OSBP2: variants seen among roughly 807,000 people sequenced by gnomAD.
The protein encoded by OSBP2 is oxysterol binding protein 2, also known as oxysterol-binding protein 2.
A neutral mutation model predicts 96.0 loss-of-function variants in OSBP2; 66 were observed. The ratio of observed to expected loss-of-function variants is 0.69; its 90% confidence interval spans 0.56 to 0.84. The LOEUF is 0.84. Among genes scored for constraint, OSBP2 ranks in the 40% least tolerant of loss-of-function variants. OSBP2 has a pLI of 0.00. For synonymous variants in OSBP2, 525 were observed against 520.9 expected, an observed-to-expected ratio of 1.01 and a Z score of -0.11; for missense variants, 1,038 against 1,222.7, an observed-to-expected ratio of 0.85 and a Z score of 2.25.
At chr22:30,906,094 C>T (rs373976519) in intron 13 of OSBP2, 25 bp downstream of exon 13, 35 of 1,589,876 alleles carry the variant, frequency 2.2e-5, no homozygotes, top group Non-Finnish European at 6.0e-6. Flanking sequence ...GAAGGGCGCC[C>T]CGGAGGGGAG....
chr22:30,822,434 C>A, intron 2 of OSBP2: 1 of 1,075,956 alleles, frequency 9.3e-7, no homozygotes, highest in Non-Finnish European at 1.2e-6. Flanking sequence ...TCGGCTCCCG[C>A]GGCGCGGACG....
intron 3 of OSBP2, among the ~76,000 whole-genome samples, chr22:30,873,958 T>G (rs2147116952): frequency 6.6e-6 from 1 of 152,204 alleles, no homozygotes; most frequent in East Asian, 1.9e-4. Flanking sequence ...TCAGGGTGGT[T>G]GGGTGTGGTG....
chr22:30,841,138 C>T (rs917151762), intron 2 of OSBP2, among the ~76,000 whole-genome samples: 10 of 151,924 alleles, frequency 6.6e-5, no homozygotes, highest in African/African-American at 2.2e-4. Flanking sequence ...GTACTCCAGC[C>T]TGGGTGACAG....
intron 2 of OSBP2, among the ~76,000 whole-genome samples, chr22:30,799,648 G>A (rs1306481389): frequency 6.6e-6 from 1 of 152,262 alleles, no homozygotes; most frequent in Non-Finnish European, 1.5e-5. Context: ...GCTCCTAGAA[G>A]AGTGTTATCT....
At chr22:30,827,082 G>A (rs1056765826) in intron 2 of OSBP2, among the ~76,000 whole-genome samples, 9 of 152,168 alleles carry the variant, frequency 5.9e-5, no homozygotes, top group Non-Finnish European at 1.3e-4. Flanking sequence ...ATTGGAGGAT[G>A]AGTAAGTGGC....
chr22:30,805,251 A>C (rs150028666), intron 2 of OSBP2, among the ~76,000 whole-genome samples: 1 of 152,190 alleles, frequency 6.6e-6, no homozygotes, highest in Admixed American at 6.5e-5. Context: ...TATGAACACT[A>C]TTTCTGTCTG....
chr22:30,750,481 G>A (rs577899293), intron 2 of OSBP2, among the ~76,000 whole-genome samples: 22 of 152,100 alleles, frequency 1.4e-4, no homozygotes, highest in Non-Finnish European at 2.8e-4. Context: ...CATCTAACTG[G>A]GACTTCCTCC....
In OSBP2 at chr22:30,856,403, TG is replaced by T. The variant is rs1432751990; in HGVS notation, c.854-14024del. 5.4e-4 allele frequency among the ~76,000 whole-genome samples: 57 copies of T among 106,136 alleles called. No homozygotes were observed. In the South Asian group the frequency reaches 8.5e-3, roughly 16 times the overall value. 69.6% of individuals were successfully genotyped at this position (106,136 alleles called of 152,430 possible). Reference sequence around the variant, plus strand: ...TTTTTTTTTTTTTTTTTTTTTTTTTTGGAGACAGGGTCTTGCTCTGTAGCCC... The same window carrying T: ...TTTTTTTTTTTTTTTTTTTTTTTTTTGAGACAGGGTCTTGCTCTGTAGCCC... On this transcript the variant is annotated intron_variant, in intron 2 of 13. Coordinates refer to ENST00000332585, the MANE Select transcript of OSBP2 (RefSeq NM_030758.4).
intron 12 of OSBP2, among the ~76,000 whole-genome samples, chr22:30,898,187 ATTT>A (rs532284737): frequency 6.6e-6 from 1 of 150,404 alleles, no homozygotes; most frequent in Non-Finnish European, 1.5e-5. Context: ...CCAAAAAAAA[ATTT>A]TTTTTTTCTT....
chr22:30,816,543 T>A (rs2091085163), intron 2 of OSBP2, among the ~76,000 whole-genome samples: 1 of 152,166 alleles, frequency 6.6e-6, no homozygotes, highest in Admixed American at 6.5e-5. Context: ...TCCAAATGCA[T>A]GTGCAGGGAT....
At chr22:30,833,117 C>T (rs1245746899) in intron 2 of OSBP2, among the ~76,000 whole-genome samples, 2 of 152,180 alleles carry the variant, frequency 1.3e-5, no homozygotes, top group African/African-American at 4.8e-5. Flanking sequence ...GAATCCTAGA[C>T]TGTCACTGTC....
intron 1 of OSBP2, among the ~76,000 whole-genome samples, chr22:30,730,721 T>C (rs1398489596): frequency 4.2e-4 from 5 of 11,886 alleles, no homozygotes; most frequent in African/African-American, 1.1e-3. Context: ...GCCCTGTCTC[T>C]CTCTCTCTCT....
At chr22:30,820,087 A>G (rs985970042) in intron 2 of OSBP2, among the ~76,000 whole-genome samples, 2 of 152,224 alleles carry the variant, frequency 1.3e-5, no homozygotes, top group African/African-American at 4.8e-5. Flanking sequence ...AAACATTCAA[A>G]ACACAGCTCT....
chr22:30,873,981 A>G (rs1366906685), intron 3 of OSBP2, among the ~76,000 whole-genome samples: 1 of 152,212 alleles, frequency 6.6e-6, no homozygotes, highest in Non-Finnish European at 1.5e-5. Context: ...TCACACCTGT[A>G]ATCCCAACAC....
At position 30,906,016 on chromosome 22, in the gene OSBP2, G is replaced by A. The variant is rs754890196; in HGVS notation, c.2555G>A (p.Arg852Gln). 1.3e-5 allele frequency: 20 copies of A among 1,575,748 alleles called. No individual in the cohort carries two copies. Among genetic ancestry groups the A allele is most frequent in the Non-Finnish European group, 1.6e-5 (19 of 1,162,016 alleles). The change falls in exon 13 of 14, where the codon CGG becomes CAG. Residue 852 changes from arginine (R) to glutamine (Q), a missense_variant. Arg to Gln is a conservative substitution (Grantham distance 43, BLOSUM62 1). Around this residue, in one of 3 missense-constraint regions of OSBP2, gnomAD observed 737 missense variants for 913.3 expected, o/e 0.81. Transcript: ENST00000332585. The stretch of plus-strand genomic sequence containing the variant: ...CTGGAGGAGAAGCAGCGCCTGTCGC[G>A]GCGCCGGCGGCTGGAGGCCTGCGGG... ...QRLEEKQRLS[R>Q]RRRLEACGPG...
intron 2 of OSBP2, among the ~76,000 whole-genome samples, chr22:30,742,633 C>T (rs2089954821): frequency 6.6e-6 from 1 of 152,136 alleles, no homozygotes; most frequent in African/African-American, 2.4e-5. Context: ...AGCAATATGT[C>T]TTGGAAATTT....
In OSBP2 at chr22:30,778,155, C is replaced by T. The variant is rs188280959; in HGVS notation, c.853+36786C>T. Among the ~76,000 whole-genome samples, 281 of 108,008 alleles carry T rather than the reference C, an allele frequency of 2.6e-3. 1 individual carries two copies. Among genetic ancestry groups the T allele is most frequent in the African/African-American group, 9.1e-3 (259 of 28,552 alleles). The allele number at this position is 108,008 out of a possible 152,430, so 70.9% of individuals were successfully genotyped here. On this transcript the variant is annotated intron_variant, in intron 2 of 13. Transcript: ENST00000332585. ...GACCACAGGCATGCACCAGCATGCCCGGCTAATTTTTGCCCTTTTTTTTTT... is the reference window on the plus strand; with the variant it reads ...GACCACAGGCATGCACCAGCATGCCTGGCTAATTTTTGCCCTTTTTTTTTT...
intron 1 of OSBP2, among the ~76,000 whole-genome samples, chr22:30,735,003 C>T (rs550527792): frequency 2.0e-5 from 3 of 152,082 alleles, no homozygotes; most frequent in Non-Finnish European, 4.4e-5. Context: ...CCAGCCTAGG[C>T]AACATAGTGA....
intron 2 of OSBP2, among the ~76,000 whole-genome samples, chr22:30,858,968 A>G (rs2039149403): frequency 6.6e-6 from 1 of 151,648 alleles, no homozygotes; most frequent in African/African-American, 2.4e-5. Flanking sequence ...ATAGGTTCCT[A>G]TTTAGTACCT....
Sources: allele counts gnomAD v4.1 joint callset (sites outside exome capture counted in the v4.1 genomes callset), GRCh38; gene constraint gnomAD v4.1.1; regional missense constraint gnomAD v4.1.1; transcripts MANE v1.5; gene names NCBI Gene and HGNC (gene_info 2026-07-23, HGNC 2026-07-21).